Variants in CD44 observed in about 807,000 individuals in gnomAD.
CD44 encodes CD44 antigen.
In CD44, 49 loss-of-function variants were observed where a neutral mutation model predicts 88.8. That is an observed-to-expected ratio of 0.55 (90% confidence interval 0.44 to 0.70). The LOEUF is 0.70. CD44 is among the 30% of genes least tolerant of loss of function. The probability of loss-of-function intolerance (pLI) is 0.00; values close to 1 mark genes in which losing one functional copy is unlikely to be tolerated. For missense variants in CD44, 883 were observed against 913.8 expected, an observed-to-expected ratio of 0.97 and a Z score of 0.43; for synonymous variants, 325 against 312.3, an observed-to-expected ratio of 1.04 and a Z score of -0.43.
chr11:35,173,302 A>G (rs1944110434), intron 1 of CD44, among the ~76,000 whole-genome samples: 1 of 152,208 alleles, frequency 6.6e-6, no homozygotes, highest in Non-Finnish European at 1.5e-5. Context: ...TGTGCTGGAC[A>G]AGGAGAGGCC....
intron 2 of CD44, among the ~76,000 whole-genome samples, chr11:35,178,269 G>A (rs1256389316): frequency 2.0e-5 from 3 of 152,218 alleles, no homozygotes; most frequent in Non-Finnish European, 4.4e-5. Flanking sequence ...CATGTGCTGA[G>A]GACCAGGGGA....
intron 4 of CD44, among the ~76,000 whole-genome samples, chr11:35,187,703 G>A (rs1388981147): frequency 6.6e-6 from 1 of 152,140 alleles, no homozygotes; most frequent in Non-Finnish European, 1.5e-5. Flanking sequence ...TAAGTGTCAG[G>A]TGTAGGGGCA....
intron 1 of CD44, among the ~76,000 whole-genome samples, chr11:35,164,814 A>G (rs1480284669): frequency 6.6e-6 from 1 of 152,246 alleles, no homozygotes; most frequent in Non-Finnish European, 1.5e-5. Context: ...GCTCATGGAT[A>G]GCATTTTTGC....
intron 1 of CD44, among the ~76,000 whole-genome samples, chr11:35,174,331 C>G (rs898163729): frequency 6.6e-6 from 1 of 152,194 alleles, no homozygotes; most frequent in African/African-American, 2.4e-5. Context: ...TGATTCCAGA[C>G]CTGGTTCTTA....
chr11:35,210,153 G>T, intron 13 of CD44, 99 bp downstream of exon 13: 1 of 638,782 alleles, frequency 1.6e-6, no homozygotes, highest in Non-Finnish European at 2.6e-6. Context: ...TCCATTAGCT[G>T]CCGTTACACT....
At chr11:35,153,760 T>C (rs1941492966) in intron 1 of CD44, among the ~76,000 whole-genome samples, 1 of 152,148 alleles carries the variant, frequency 6.6e-6, no homozygotes, top group Non-Finnish European at 1.5e-5. Flanking sequence ...AATAGGGAGA[T>C]CTCATCTGAT....
chr11:35,150,088 T>A (rs1488416812), intron 1 of CD44, among the ~76,000 whole-genome samples: 1 of 152,176 alleles, frequency 6.6e-6, no homozygotes, highest in Non-Finnish European at 1.5e-5. Flanking sequence ...TTGCTTCACA[T>A]GGCCAGAAAA....
rs980348272 is a variant in CD44 at position 35,232,034 on chromosome 11, G to A, written c.*2701G>A. The A allele has an allele frequency of 2.0e-5, 3 of 152,144 alleles. No homozygotes were observed. Among genetic ancestry groups the A allele is most frequent in the African/African-American group, 7.2e-5 (3 of 41,446 alleles). The allele number at this position is 152,144 out of a possible 1,614,324, so 9.4% of individuals were successfully genotyped here. A position where few individuals can be genotyped will look rare whatever the true frequency, so the allele number is the denominator to read the frequency against. On this transcript the variant is annotated 3_prime_UTR_variant, in exon 18 of 18. Coordinates refer to ENST00000428726, the MANE Select transcript of CD44 (RefSeq NM_000610.4). ...CATAACAACACCAAGAATTGATTTT[G>A]TAGCCAACATTCATTCAATACTGTT...
intron 1 of CD44, among the ~76,000 whole-genome samples, chr11:35,155,678 A>G (rs1941769245): frequency 6.6e-6 from 1 of 152,372 alleles, no homozygotes; most frequent in East Asian, 1.9e-4. Context: ...TTAGAAACTC[A>G]TTACTTGCAA....
chr11:35,186,428 TA>T (rs1341472847), intron 3 of CD44, among the ~76,000 whole-genome samples: 6 of 152,200 alleles, frequency 3.9e-5, no homozygotes, highest in Admixed American at 1.3e-4. Context: ...ACTTTACTTT[TA>T]AATTTTTTTA....
chr11:35,205,845 G>A (rs1032920543), intron 10 of CD44: 25 of 1,078,854 alleles, frequency 2.3e-5, no homozygotes, highest in African/African-American at 5.0e-5. Flanking sequence ...CTTTGATGTC[G>A]GTAACTCATC....
chr11:35,172,522 A>T (rs1172737377), intron 1 of CD44, among the ~76,000 whole-genome samples: 2 of 152,038 alleles, frequency 1.3e-5, no homozygotes, highest in Admixed American at 6.5e-5. Context: ...AATAAGATTA[A>T]TTTTTTTCTC....
At chr11:35,140,697 C>T (rs1328700963) in intron 1 of CD44, among the ~76,000 whole-genome samples, 1 of 152,052 alleles carries the variant, frequency 6.6e-6, no homozygotes, top group Non-Finnish European at 1.5e-5. Context: ...AGGATTTATA[C>T]TACTGAAGCT....
intron 1 of CD44, among the ~76,000 whole-genome samples, chr11:35,165,534 C>T (rs755744982): frequency 6.6e-6 from 1 of 152,192 alleles, no homozygotes; most frequent in Admixed American, 6.5e-5. Flanking sequence ...ATAGCAAAGC[C>T]TGATGTACTT....
intron 14 of CD44, 75 bp from the exon 15 acceptor site, chr11:35,214,777 T>C: frequency 8.5e-6 from 7 of 823,198 alleles, no homozygotes; most frequent in Non-Finnish European, 1.1e-5. Flanking sequence ...TGTATAAGAA[T>C]GCAAAGGTAA....
intron 2 of CD44, among the ~76,000 whole-genome samples, chr11:35,179,726 G>C (rs1944808962): frequency 6.6e-6 from 1 of 152,178 alleles, no homozygotes; most frequent in Non-Finnish European, 1.5e-5. Context: ...AAGGCTTCAT[G>C]TTTAGGGCAA....
intron 1 of CD44, among the ~76,000 whole-genome samples, chr11:35,162,405 C>T (rs560337433): frequency 5.3e-5 from 8 of 152,328 alleles, no homozygotes; most frequent in African/African-American, 1.4e-4. Flanking sequence ...ACACAAGGGT[C>T]ATTTGTAATG....
At position 35,231,791 on chromosome 11, in the gene CD44, T is replaced by C. The variant is rs371161252; in HGVS notation, c.*2458T>C. Reference sequence around the variant, plus strand: ...CATTTAAACTGGGTCTTTATAAAAGTAAAAGGCCAACATTTAATTATTTTG... The same window carrying C: ...CATTTAAACTGGGTCTTTATAAAAGCAAAAGGCCAACATTTAATTATTTTG... On this transcript the variant is annotated 3_prime_UTR_variant, in exon 18 of 18. Coordinates refer to ENST00000428726, the MANE Select transcript of CD44 (RefSeq NM_000610.4). 1.3e-5 allele frequency: 2 copies of C among 152,340 alleles called. No individual in the cohort carries two copies. Among genetic ancestry groups the C allele is most frequent in the South Asian group, 2.1e-4 (1 of 4,828 alleles). 9.4% of individuals were successfully genotyped at this position (152,340 alleles called of 1,614,324 possible).
chr11:35,164,237 A>G (rs967636691), intron 1 of CD44, among the ~76,000 whole-genome samples: 4 of 152,012 alleles, frequency 2.6e-5, no homozygotes, highest in Admixed American at 2.6e-4. Flanking sequence ...TAGCTAACTC[A>G]TGTCAGAAAC....
Sources: gnomAD v4.1 joint callset for allele counts (sites outside exome capture counted in the v4.1 genomes callset) on GRCh38, gnomAD v4.1.1 for gene constraint, MANE v1.5 for transcripts, NCBI Gene and HGNC (gene_info 2026-07-23, HGNC 2026-07-21) for gene names.